The following KCNH7 variants were observed in gnomAD, a reference collection of about 807,000 sequenced individuals.
KCNH7 encodes voltage-gated inwardly rectifying potassium channel KCNH7.
KCNH7 carries 49 observed loss-of-function variants against 120.8 expected under a neutral mutation model. The ratio of observed to expected loss-of-function variants is 0.41; its 90% CI spans 0.32 to 0.51. The LOEUF is 0.51. KCNH7 is among the 20% of genes least tolerant of loss of function. KCNH7 has a pLI of 0.38. For missense variants in KCNH7, 1,097 were observed against 1,446.6 expected, an observed-to-expected ratio of 0.76 and a Z score of 3.92; for synonymous variants, 547 against 516.1, an observed-to-expected ratio of 1.06 and a Z score of -0.81.
intron 2 of KCNH7, among the ~76,000 whole-genome samples, chr2:162,570,227 A>C: frequency 6.7e-6 from 1 of 149,696 alleles, no homozygotes; most frequent in East Asian, 2.0e-4. Context: ...TATTGGGTGC[A>C]TATATATTTA....
At chr2:162,656,383 A>G (rs1684763644) in intron 2 of KCNH7, among the ~76,000 whole-genome samples, 1 of 152,222 alleles carries the variant, frequency 6.6e-6, no homozygotes, top group South Asian at 2.1e-4. Flanking sequence ...ATGAGGAGTA[A>G]GGGTATAGAA....
At chr2:162,633,948 T>C (rs1000576424) in intron 2 of KCNH7, among the ~76,000 whole-genome samples, 2 of 152,178 alleles carry the variant, frequency 1.3e-5, no homozygotes, top group South Asian at 4.1e-4. Context: ...TTTGTACATA[T>C]TGAATAACTT....
chr2:162,531,121 C>T (rs1691909728), intron 3 of KCNH7, among the ~76,000 whole-genome samples: 2 of 151,932 alleles, frequency 1.3e-5, no homozygotes, highest in Admixed American at 6.6e-5. Flanking sequence ...CATAGGGAAA[C>T]AACTTATGTT....
At chr2:162,451,033 A>G (rs1688751056) in intron 6 of KCNH7, among the ~76,000 whole-genome samples, 1 of 152,054 alleles carries the variant, frequency 6.6e-6, no homozygotes, top group South Asian at 2.1e-4. Context: ...AAATCTTTGA[A>G]GTGTTTGGAA....
intron 2 of KCNH7, among the ~76,000 whole-genome samples, chr2:162,622,021 T>C (rs1394654953): frequency 6.6e-6 from 1 of 152,242 alleles, no homozygotes; most frequent in Non-Finnish European, 1.5e-5. Context: ...TCTCTTGATA[T>C]ATAGTTTGCT....
intron 6 of KCNH7, among the ~76,000 whole-genome samples, chr2:162,487,082 CAGT>C (rs1690120993): frequency 6.6e-6 from 1 of 152,162 alleles, no homozygotes; most frequent in Admixed American, 6.5e-5. Context: ...TTCAATATGA[CAGT>C]AGCTGCCCTC....
At chr2:162,748,212 T>C (rs1313898570) in intron 2 of KCNH7, among the ~76,000 whole-genome samples, 1 of 152,144 alleles carries the variant, frequency 6.6e-6, no homozygotes, top group Non-Finnish European at 1.5e-5. Context: ...CAGAACACAA[T>C]ATAGAACTCT....
intron 14 of KCNH7, among the ~76,000 whole-genome samples, chr2:162,378,662 G>C (rs1401256026): frequency 6.6e-6 from 1 of 152,164 alleles, no homozygotes; most frequent in African/African-American, 2.4e-5. Context: ...GAGATGGAAA[G>C]AACAAATTAT....
intron 2 of KCNH7, among the ~76,000 whole-genome samples, chr2:162,682,436 AGAG>A (rs1369479372): frequency 5.0e-4 from 76 of 151,784 alleles, no homozygotes; most frequent in African/African-American, 9.2e-4. Context: ...AGAGAGAGAG[AGAG>A]AGACTATAAA....
At chr2:162,701,510 A>G (rs914030299) in intron 2 of KCNH7, among the ~76,000 whole-genome samples, 2 of 152,096 alleles carry the variant, frequency 1.3e-5, no homozygotes, top group Non-Finnish European at 1.5e-5. Context: ...TTCAGTTCCA[A>G]GTGTACAAAA....
chr2:162,651,652 T>C (rs1684569328), intron 2 of KCNH7, among the ~76,000 whole-genome samples: 1 of 152,200 alleles, frequency 6.6e-6, no homozygotes, highest in Non-Finnish European at 1.5e-5. Flanking sequence ...TGAAGAGTGC[T>C]GCAATGAACA....
chr2:162,413,996 G>GT (rs1400390454), intron 9 of KCNH7, among the ~76,000 whole-genome samples: 1 of 151,888 alleles, frequency 6.6e-6, no homozygotes, highest in Non-Finnish European at 1.5e-5. Flanking sequence ...TAATATGTGT[G>GT]TATGTATATA....
intron 2 of KCNH7, among the ~76,000 whole-genome samples, chr2:162,714,618 C>G (rs1477230644): frequency 6.6e-6 from 1 of 152,156 alleles, no homozygotes. Flanking sequence ...GGCAAACTTT[C>G]TCTGTAAAGG....
chr2:162,505,838 A>G (rs1335130029), intron 5 of KCNH7, among the ~76,000 whole-genome samples: 2 of 151,840 alleles, frequency 1.3e-5, no homozygotes, highest in Non-Finnish European at 2.9e-5. Context: ...CGGGATCAAA[A>G]TGTACTTTAA....
chr2:162,776,256 A>G (rs570272280), intron 2 of KCNH7, among the ~76,000 whole-genome samples: 16 of 152,248 alleles, frequency 1.1e-4, no homozygotes, highest in Non-Finnish European at 2.1e-4. Context: ...GGGAGGCTTC[A>G]TGTAAGTATT....
Position 162,604,442 on chromosome 2 carries a change from C to G in KCNH7, c.308-67362G>C, listed in dbSNP as rs12470021. Among the ~76,000 whole-genome samples the G allele has an allele frequency of 3.8e-3, 576 of 152,178 alleles. 13 individuals carry two copies. Among genetic ancestry groups the G allele is most frequent in the Admixed American group, 0.032 (486 of 15,254 alleles). The stretch of plus-strand genomic sequence containing the variant: ...TTCTACTTAGGTATTCCCACCCAAT[C>G]CCACGGTTTCAATGACCTCCTAGGT... On this transcript the variant is annotated intron_variant, in intron 2 of 15. Coordinates refer to ENST00000332142, the MANE Select transcript of KCNH7 (RefSeq NM_033272.4).
chr2:162,529,267 C>A lies in KCNH7; in HGVS notation c.463+7658G>T, dbSNP rs139258260. On this transcript the variant is annotated intron_variant, in intron 3 of 15. Coordinates refer to ENST00000332142, the MANE Select transcript of KCNH7 (RefSeq NM_033272.4). ...AGGAATGAATATTAAAAGCAGCTCCCAGGGGAGAAACAAACAGCTTTTAAG... is the reference window on the plus strand; with the variant it reads ...AGGAATGAATATTAAAAGCAGCTCCAAGGGGAGAAACAAACAGCTTTTAAG... Among the ~76,000 whole-genome samples, 637 of 151,910 alleles carry A rather than the reference C, an allele frequency of 4.2e-3. 8 individuals carry two copies. The highest frequency in any genetic ancestry group is 0.01 in the Middle Eastern group (3 of 292).
intron 2 of KCNH7, among the ~76,000 whole-genome samples, chr2:162,751,359 A>G (rs1688542809): frequency 6.6e-6 from 1 of 152,150 alleles, no homozygotes; most frequent in Non-Finnish European, 1.5e-5. Context: ...TTACTAATTT[A>G]CCTTTTTCTG....
chr2:162,543,274 A>C (rs920521007), intron 2 of KCNH7, among the ~76,000 whole-genome samples: 1 of 145,932 alleles, frequency 6.9e-6, no homozygotes. Flanking sequence ...TCTCTCTCAC[A>C]CACACATACG....
Sources: allele counts gnomAD v4.1 joint callset (sites outside exome capture counted in the v4.1 genomes callset), GRCh38; gene constraint gnomAD v4.1.1; transcripts MANE v1.5; gene names NCBI Gene and HGNC (gene_info 2026-07-23, HGNC 2026-07-21).